Variants in BRCA1 observed in about 807,000 individuals in gnomAD.
BRCA1 encodes the protein breast cancer type 1 susceptibility protein.
BRCA1 carries 140 observed loss-of-function variants against 173.7 expected under a neutral mutation model. The observed-to-expected ratio is 0.81, with a 90% confidence interval of 0.70 to 0.93. The LOEUF (loss-of-function observed/expected upper bound fraction) is 0.93. Ranked by LOEUF, BRCA1 falls within the 40% of genes least tolerant of loss-of-function variation. The pLI is 0.00. For missense variants in BRCA1, 1,983 were observed against 2,172.5 expected (o/e 0.91, Z 1.73); for synonymous variants, 662 against 756.0 (o/e 0.88, Z 2.04).
rs1161378345 is a variant in BRCA1 at position 43,094,909 on chromosome 17, A to T, written c.671-49T>A. 6 of 1,500,542 alleles carry T rather than the reference A, an allele frequency of 4.0e-6. No individual in the cohort carries two copies. Among genetic ancestry groups the T allele is most frequent in the Non-Finnish European group, 5.5e-6 (6 of 1,100,574 alleles). The allele number at this position is 1,500,542 out of a possible 1,614,324, so 93.0% of individuals were successfully genotyped here. A position where few individuals can be genotyped will look rare whatever the true frequency, so the allele number is the denominator to read the frequency against. Reference sequence around the variant, plus strand: ...GGTACTCAAAAACTGAATTGTCATTAAAAAAATACATACTTCATACACCTT... The same window carrying T: ...GGTACTCAAAAACTGAATTGTCATTTAAAAAATACATACTTCATACACCTT... On this transcript the variant is annotated intron_variant, in intron 9 of 22. Transcript: ENST00000357654.
intron 1 of BRCA1, chr17:43,124,906 C>T: frequency 6.3e-6 from 2 of 315,296 alleles, no homozygotes; most frequent in South Asian, 2.6e-5. Context: ...GCACCACGCC[C>T]GGCTAATTTT....
rs587776482 is a variant in BRCA1, at chr17:43,093,189, T to G, written c.2342A>C (p.Glu781Ala). The G allele has an allele frequency of 8.1e-6, 13 of 1,613,960 alleles. No homozygotes were observed. Among genetic ancestry groups the G allele is most frequent in the Non-Finnish European group, 1.0e-5 (12 of 1,179,968 alleles). Residue 781 changes from glutamate (E) to alanine (A), a missense_variant, in exon 10 of 23, where the codon GAA becomes GCA. Coordinates refer to ENST00000357654, the MANE Select transcript of BRCA1 (RefSeq NM_007294.4). ...LVPGTDYGTQ[E>A]SISLLEVSTL... ...GCTAACTTCCAGTAACGAGATACTT[T>G]CCTGAGTGCCATAATCAGTACCAGG... is the stretch of plus-strand genomic sequence containing the variant.
intron 1 of BRCA1, among the ~76,000 whole-genome samples, chr17:43,165,221 GTT>G (rs2056259349): frequency 6.6e-6 from 1 of 152,084 alleles, no homozygotes; most frequent in African/African-American, 2.4e-5. Flanking sequence ...AAAAGAGCAG[GTT>G]GGTGCTTTAA....
intron 14 of BRCA1, among the ~76,000 whole-genome samples, chr17:43,073,557 A>T (rs911438123): frequency 2.0e-5 from 3 of 152,044 alleles, no homozygotes; most frequent in African/African-American, 7.2e-5. Context: ...TAAAACTCTG[A>T]TTTACAAGCC....
intron 7 of BRCA1, 108 bp from the exon 8 acceptor site, chr17:43,097,397 A>T (rs1437533040): frequency 1.0e-6 from 1 of 955,554 alleles, no homozygotes; most frequent in African/African-American, 1.6e-5. Flanking sequence ...ATATTTACTG[A>T]GCATCTACTG....
chr17:43,077,337 T>TC (rs1190672073), intron 12 of BRCA1, among the ~76,000 whole-genome samples: 1 of 140,714 alleles, frequency 7.1e-6, no homozygotes, highest in East Asian at 2.0e-4. Flanking sequence ...TGTTAGTTCT[T>TC]TTTTTTTTTT....
At chr17:43,056,302 T>G (rs1224804948) in intron 19 of BRCA1, among the ~76,000 whole-genome samples, 1 of 151,866 alleles carries the variant, frequency 6.6e-6, no homozygotes, top group Non-Finnish European at 1.5e-5. Context: ...GCCTTCCGAG[T>G]AGCTGGAACT....
At chr17:43,116,157 T>A (rs1304769652) in intron 2 of BRCA1, among the ~76,000 whole-genome samples, 1 of 152,082 alleles carries the variant, frequency 6.6e-6, no homozygotes, top group African/African-American at 2.4e-5. Context: ...GACAAAATTT[T>A]CTGCTTATAT....
intron 11 of BRCA1, among the ~76,000 whole-genome samples, chr17:43,089,570 G>T (rs2053363145): frequency 6.9e-6 from 1 of 145,446 alleles, no homozygotes. Context: ...TTTTTGAGAT[G>T]GAGTTTCACT....
At chr17:43,059,513 C>CAACAACAACA (rs1555577470) in intron 18 of BRCA1, among the ~76,000 whole-genome samples, 1 of 151,160 alleles carries the variant, frequency 6.6e-6, no homozygotes, top group African/African-American at 2.4e-5. Context: ...ACAACAACAA[C>CAACAACAACA]AAATTCTCAC....
chr17:43,137,469 T>A (rs1370076885), intron 1 of BRCA1, among the ~76,000 whole-genome samples: 1 of 151,432 alleles, frequency 6.6e-6, no homozygotes, highest in East Asian at 1.9e-4. Context: ...TCCCTTTTTC[T>A]GGGAGATTGA....
At chr17:43,154,901 G>A (rs1271777402) in intron 1 of BRCA1, among the ~76,000 whole-genome samples, 1 of 152,018 alleles carries the variant, frequency 6.6e-6, no homozygotes, top group African/African-American at 2.4e-5. Flanking sequence ...GTCAGGAAAG[G>A]TTTCACTGAG....
upstream of BRCA1, among the ~76,000 whole-genome samples, chr17:43,126,928 C>T (rs1441214272): frequency 2.6e-5 from 4 of 152,148 alleles, no homozygotes; most frequent in East Asian, 1.9e-4. Context: ...GGGCCCCGCA[C>T]CCCCGGCCCC....
At chr17:43,069,632 T>C (rs561139858) in intron 15 of BRCA1, among the ~76,000 whole-genome samples, 1 of 152,282 alleles carries the variant, frequency 6.6e-6, no homozygotes, top group South Asian at 2.1e-4. Context: ...GGTCTGGACA[T>C]GGGATTATGA....
At chr17:43,088,426 C>A (rs1385067807) in intron 11 of BRCA1, among the ~76,000 whole-genome samples, 2 of 151,882 alleles carry the variant, frequency 1.3e-5, no homozygotes, top group Non-Finnish European at 2.9e-5. Context: ...GCAATGTACC[C>A]AGAGTAACCA....
chr17:43,154,529 GA>G (rs1370773651), intron 1 of BRCA1, among the ~76,000 whole-genome samples: 1 of 151,938 alleles, frequency 6.6e-6, no homozygotes, highest in African/African-American at 2.4e-5. Flanking sequence ...GACAGAGCTA[GA>G]CTCTGTCTCA....
intron 3 of BRCA1, chr17:43,110,581 C>T (rs765623980): frequency 5.0e-6 from 2 of 399,404 alleles, no homozygotes; most frequent in Non-Finnish European, 9.8e-6. Flanking sequence ...GAGTAAGACC[C>T]TGTCTCAAAA....
rs965202161 is a variant in BRCA1, at chr17:43,119,143, G to T, written c.81-3364C>A. On this transcript the variant is annotated intron_variant, in intron 2 of 22. Coordinates refer to ENST00000357654, the MANE Select transcript of BRCA1 (RefSeq NM_007294.4). The stretch of plus-strand genomic sequence containing the variant: ...AACCTGGCAGTGTGACAAGAATGTG[G>T]TTTTTTCCTTAAATATTTAACTTTT... 3.6e-4 allele frequency: 77 copies of T among 214,842 alleles called. 1 individual carries two copies. Among genetic ancestry groups the T allele is most frequent in the Non-Finnish European group, 8.5e-5 (9 of 106,464 alleles). The allele number at this position is 214,842 out of a possible 1,614,324, so 13.3% of individuals were successfully genotyped here. A position where few individuals can be genotyped will look rare whatever the true frequency, so the allele number is the denominator to read the frequency against.
At chr17:43,168,645 TAAATA>T (rs1204084465) in intron 1 of BRCA1, among the ~76,000 whole-genome samples, 1 of 152,136 alleles carries the variant, frequency 6.6e-6, no homozygotes, top group Non-Finnish European at 1.5e-5. Context: ...GTCTCAAAAA[TAAATA>T]AAATAAAATA....
Sources: gnomAD v4.1 joint callset for allele counts (sites outside exome capture counted in the v4.1 genomes callset) on GRCh38, gnomAD v4.1.1 for gene constraint, MANE v1.5 for transcripts, NCBI Gene and HGNC (gene_info 2026-07-23, HGNC 2026-07-21) for gene names.